The following ADGRL2 variants were observed in gnomAD, a reference collection of about 807,000 sequenced individuals.
ADGRL2 encodes calcium-independent alpha-latrotoxin receptor 2.
In ADGRL2, 44 loss-of-function variants were observed where a neutral mutation model predicts 157.4. The ratio of observed to expected loss-of-function variants is 0.28; its 90% confidence interval spans 0.22 to 0.36. The LOEUF is 0.36. Among genes scored for constraint, ADGRL2 ranks in the 10% least tolerant of loss-of-function variants. The pLI is 1.00. For missense variants in ADGRL2, 1,510 were observed against 1,768.9 expected (o/e 0.85, Z 2.63); for synonymous variants, 585 against 624.7 (o/e 0.94, Z 0.95).
At chr1:81,378,122 C>A (rs570712848) in intron 1 of ADGRL2, among the ~76,000 whole-genome samples, 1 of 151,368 alleles carries the variant, frequency 6.6e-6, no homozygotes, top group Non-Finnish European at 1.5e-5. Context: ...GAGGTTGCAG[C>A]GAGCCGAGAT....
chr1:81,312,613 G>C (rs1659833536), intron 1 of ADGRL2, among the ~76,000 whole-genome samples: 1 of 152,170 alleles, frequency 6.6e-6, no homozygotes. Context: ...TTGTTTCTCA[G>C]CTCTTAGTCA....
At chr1:81,621,929 A>G (rs922118851) in intron 3 of ADGRL2, among the ~76,000 whole-genome samples, 1 of 152,182 alleles carries the variant, frequency 6.6e-6, no homozygotes, top group African/African-American at 2.4e-5. Flanking sequence ...AGTTTATCAT[A>G]TATTTACAAT....
chr1:81,812,230 A>G (rs1252379261), intron 1 of ADGRL2, among the ~76,000 whole-genome samples: 1 of 151,850 alleles, frequency 6.6e-6, no homozygotes, highest in Non-Finnish European at 1.5e-5. Flanking sequence ...GAGCTTTTAT[A>G]TGCGATGAAA....
chr1:81,793,833 T>C (rs1435264537), intron 2 of ADGRL2, among the ~76,000 whole-genome samples: 1 of 152,146 alleles, frequency 6.6e-6, no homozygotes, highest in Non-Finnish European at 1.5e-5. Context: ...TGAATAATTA[T>C]ATGAAAATGT....
intron 2 of ADGRL2, among the ~76,000 whole-genome samples, chr1:81,871,091 C>A (rs867751753): frequency 4.5e-4 from 54 of 119,674 alleles, no homozygotes; most frequent in Non-Finnish European, 1.2e-4. Flanking sequence ...CCCCCTCCCC[C>A]CACCCCCAAC....
chr1:81,618,886 T>A (rs2081725690), intron 3 of ADGRL2, among the ~76,000 whole-genome samples: 1 of 151,944 alleles, frequency 6.6e-6, no homozygotes, highest in Non-Finnish European at 1.5e-5. Context: ...TACTGTAACA[T>A]AATGGCATGT....
chr1:81,534,681 A>G lies in ADGRL2; in HGVS notation c.-247-46195A>G, dbSNP rs1399011569. On this transcript the variant is annotated intron_variant, in intron 2 of 24. Coordinates refer to the ADGRL2 transcript ENST00000370721. ...TTAGTATTTGAGACAGATGCCTAGC[A>G]AGGTTTTCTGATTCTTGAACTAGTT... Among the ~76,000 whole-genome samples, 9 of 152,174 alleles carry G rather than the reference A, an allele frequency of 5.9e-5. No homozygotes were observed. In the East Asian group the frequency reaches 1.7e-3, roughly 29 times the overall value.
At chr1:81,908,795 A>AT (rs1357173187) in intron 3 of ADGRL2, among the ~76,000 whole-genome samples, 1 of 151,836 alleles carries the variant, frequency 6.6e-6, no homozygotes, top group Non-Finnish European at 1.5e-5. Context: ...GTAATTTGTA[A>AT]TTCCCTAATG....
chr1:81,965,947 T>A, intron 11 of ADGRL2, 111 bp from the exon 12 acceptor site: 1 of 1,132,754 alleles, frequency 8.8e-7, no homozygotes, highest in Admixed American at 2.5e-5. Flanking sequence ...GTAAAATTTT[T>A]TAAGTAGGCA....
chr1:81,733,206 C>T (rs2084783712), intron 1 of ADGRL2, among the ~76,000 whole-genome samples: 1 of 152,186 alleles, frequency 6.6e-6, no homozygotes. Flanking sequence ...GAGTCAGCTT[C>T]AATGTATAAG....
At chr1:81,672,140 T>C (rs1192727801) in intron 3 of ADGRL2, among the ~76,000 whole-genome samples, 1 of 152,238 alleles carries the variant, frequency 6.6e-6, no homozygotes, top group South Asian at 2.1e-4. Context: ...ATCTTAGAAT[T>C]GGGCTTTCAA....
At chr1:81,924,946 G>T (rs1043472854) in intron 3 of ADGRL2, among the ~76,000 whole-genome samples, 1 of 152,032 alleles carries the variant, frequency 6.6e-6, no homozygotes, top group Non-Finnish European at 1.5e-5. Flanking sequence ...GCACATACTT[G>T]CTAACAACAT....
chr1:81,831,629 A>C (rs1324258507), intron 1 of ADGRL2, among the ~76,000 whole-genome samples: 3 of 152,036 alleles, frequency 2.0e-5, no homozygotes, highest in Non-Finnish European at 4.4e-5. Context: ...TATATTTCTT[A>C]AGGTTGTTGG....
chr1:81,935,332 T>A (rs2095294416), intron 3 of ADGRL2, among the ~76,000 whole-genome samples: 1 of 152,012 alleles, frequency 6.6e-6, no homozygotes, highest in South Asian at 2.1e-4. Flanking sequence ...CTATACTCTA[T>A]TATAATCATG....
In ADGRL2 at chr1:81,828,000, C is replaced by T. The variant is rs78767961; in HGVS notation, c.-100-8885C>T. Among the ~76,000 whole-genome samples, 171 of 152,266 alleles carry T rather than the reference C, an allele frequency of 1.1e-3. 1 individual carries two copies. Among genetic ancestry groups the T allele is most frequent in the Middle Eastern group, 6.8e-3 (2 of 294 alleles). On this transcript the variant is annotated intron_variant, in intron 1 of 23. Coordinates refer to ENST00000686636, the MANE Select transcript of ADGRL2 (RefSeq NM_001366006.2). ...ACTAAAGTTGATTTGATTATTTTGG[C>T]AGACATGAATAGTTATTAGTTCATT...
At chr1:81,926,242 T>C (rs988571269) in intron 3 of ADGRL2, among the ~76,000 whole-genome samples, 22 of 151,996 alleles carry the variant, frequency 1.4e-4, no homozygotes, top group African/African-American at 5.3e-4. Flanking sequence ...GCTTGGCATG[T>C]ACAACAATTC....
chr1:81,395,899 G>A (rs1024109633), intron 1 of ADGRL2, among the ~76,000 whole-genome samples: 9 of 152,126 alleles, frequency 5.9e-5, no homozygotes, highest in African/African-American at 2.2e-4. Flanking sequence ...CTATTCGTCT[G>A]TGTGTCTGTT....
intron 2 of ADGRL2, among the ~76,000 whole-genome samples, chr1:81,528,093 T>C (rs1300620816): frequency 1.3e-5 from 2 of 152,080 alleles, no homozygotes; most frequent in East Asian, 1.9e-4. Context: ...GAAAAAGATA[T>C]CTTCTTGCAA....
At chr1:81,911,517 G>A (rs1483194468) in intron 3 of ADGRL2, among the ~76,000 whole-genome samples, 1 of 152,102 alleles carries the variant, frequency 6.6e-6, no homozygotes, top group African/African-American at 2.4e-5. Context: ...CCTGAAGATC[G>A]TCCTGCCAAA....
Sources: allele counts gnomAD v4.1 joint callset (sites outside exome capture counted in the v4.1 genomes callset), GRCh38; gene constraint gnomAD v4.1.1; transcripts MANE v1.5; gene names NCBI Gene and HGNC (gene_info 2026-07-23, HGNC 2026-07-21).